The following PACSIN2 variants were observed in gnomAD, a reference collection of about 807,000 sequenced individuals.
PACSIN2 encodes protein kinase C and casein kinase substrate in neurons protein 2.
Under a neutral mutation model 63.8 loss-of-function variants are expected in PACSIN2, and 25 were observed. The observed-to-expected ratio is 0.39, with a 90% CI of 0.29 to 0.55. The LOEUF (loss-of-function observed/expected upper bound fraction) is 0.55, where lower values mean the gene tolerates loss of function less well. Ranked by LOEUF, PACSIN2 falls within the 20% of genes least tolerant of loss-of-function variation. PACSIN2 has a pLI of 0.62. For missense variants in PACSIN2, 518 were observed against 646.9 expected (o/e 0.80, Z 2.16); for synonymous variants, 255 against 256.2 (o/e 1.00, Z 0.05).
At chr22:42,962,629 G>GA (rs1245260427) in intron 1 of PACSIN2, among the ~76,000 whole-genome samples, 1 of 152,050 alleles carries the variant, frequency 6.6e-6, no homozygotes, top group African/African-American at 2.4e-5. Context: ...ACAGGGCAAG[G>GA]GAAGGCCAGC....
chr22:43,012,263 G>A (rs1036519503), intron 1 of PACSIN2, among the ~76,000 whole-genome samples: 3 of 149,340 alleles, frequency 2.0e-5, no homozygotes, highest in Non-Finnish European at 4.4e-5. Context: ...TACTGAGGAG[G>A]CTGAGGCAGA....
chr22:42,973,061 G>A (rs756821857), intron 1 of PACSIN2, among the ~76,000 whole-genome samples: 20 of 152,174 alleles, frequency 1.3e-4, no homozygotes, highest in Non-Finnish European at 2.2e-4. Context: ...CTTTGACAGG[G>A]CAGTCATATA....
chr22:42,993,000 C>A (rs926435108), intron 1 of PACSIN2, among the ~76,000 whole-genome samples: 9 of 152,062 alleles, frequency 5.9e-5, no homozygotes, highest in African/African-American at 1.7e-4. Context: ...CCCGTCTCTA[C>A]TAAAAATACA....
intron 1 of PACSIN2, among the ~76,000 whole-genome samples, chr22:42,951,761 T>C (rs1399501177): frequency 1.3e-5 from 2 of 152,194 alleles, no homozygotes; most frequent in African/African-American, 2.4e-5. Context: ...CAACAGCTAT[T>C]GTCAACTGTC....
intron 1 of PACSIN2, among the ~76,000 whole-genome samples, chr22:42,978,522 G>T (rs1921860715): frequency 6.6e-6 from 1 of 152,182 alleles, no homozygotes; most frequent in Admixed American, 6.5e-5. Flanking sequence ...GCAAAGCTGG[G>T]CTCTTCACTC....
chr22:42,997,288 G>A (rs1248358722), intron 1 of PACSIN2, among the ~76,000 whole-genome samples: 1 of 152,264 alleles, frequency 6.6e-6, no homozygotes, highest in African/African-American at 2.4e-5. Flanking sequence ...GCCAGGCACA[G>A]TGGCTCACGC....
chr22:43,010,981 A>T (rs1381124163), intron 1 of PACSIN2, among the ~76,000 whole-genome samples: 1 of 152,242 alleles, frequency 6.6e-6, no homozygotes, highest in African/African-American at 2.4e-5. Context: ...ATACCAAAAA[A>T]TGATGTATTG....
chr22:42,934,495 C>T (rs1932850993), intron 1 of PACSIN2, among the ~76,000 whole-genome samples: 1 of 152,260 alleles, frequency 6.6e-6, no homozygotes, highest in African/African-American at 2.4e-5. Flanking sequence ...CCTCCTGGGG[C>T]CTCCCCACTC....
At chr22:42,875,249 TCCTCTG>T (rs1433183162) in intron 10 of PACSIN2, among the ~76,000 whole-genome samples, 1 of 151,906 alleles carries the variant, frequency 6.6e-6, no homozygotes, top group East Asian at 1.9e-4. Context: ...GTTTAAGTGA[TCCTCTG>T]CCTCAGCCTC....
At chr22:43,014,380 CGGGA>C (rs1924736180) in intron 1 of PACSIN2, among the ~76,000 whole-genome samples, 41 of 134,826 alleles carry the variant, frequency 3.0e-4, no homozygotes, top group Non-Finnish European at 5.3e-4. Context: ...CCCCCCCCCC[CGGGA>C]CACGGAGGGT....
At chr22:42,923,322 C>A (rs142028768) in intron 1 of PACSIN2, among the ~76,000 whole-genome samples, 1 of 152,352 alleles carries the variant, frequency 6.6e-6, no homozygotes, top group East Asian at 1.9e-4. Context: ...CATTGCTGGT[C>A]TTAAGTCCCT....
At chr22:42,925,035 C>G (rs1055551742) in intron 1 of PACSIN2, among the ~76,000 whole-genome samples, 1 of 151,842 alleles carries the variant, frequency 6.6e-6, no homozygotes, top group African/African-American at 2.4e-5. Context: ...TGAGCCACTG[C>G]GTCCGGCCCC....
intron 2 of PACSIN2, among the ~76,000 whole-genome samples, chr22:42,904,870 C>T (rs1036766692): frequency 1.1e-4 from 17 of 152,178 alleles, no homozygotes; most frequent in East Asian, 1.9e-4. Flanking sequence ...ACCCCAGCTC[C>T]GCCCCCCTGC....
chr22:42,895,442 A>G (rs1333598874), intron 2 of PACSIN2, among the ~76,000 whole-genome samples: 1 of 152,226 alleles, frequency 6.6e-6, no homozygotes, highest in Non-Finnish European at 1.5e-5. Flanking sequence ...TATTACCAAC[A>G]GTATTCAAAT....
intron 1 of PACSIN2, among the ~76,000 whole-genome samples, chr22:42,950,134 T>C (rs2146825262): frequency 6.6e-6 from 1 of 152,308 alleles, no homozygotes; most frequent in South Asian, 2.1e-4. Flanking sequence ...CAGACTTTTT[T>C]TGCTTGTCAT....
intron 1 of PACSIN2, among the ~76,000 whole-genome samples, chr22:42,914,828 T>G (rs529934669): frequency 6.6e-6 from 1 of 152,318 alleles, no homozygotes; most frequent in South Asian, 2.1e-4. Flanking sequence ...GCTGTGGTCT[T>G]GACACAGTTC....
chr22:42,950,870 T>C (rs1039218515), intron 1 of PACSIN2, among the ~76,000 whole-genome samples: 5 of 152,060 alleles, frequency 3.3e-5, no homozygotes, highest in African/African-American at 7.2e-5. Flanking sequence ...GGCCCCTGTA[T>C]ATATTCCAGT....
At chr22:43,007,429 T>C (rs972062961) in intron 1 of PACSIN2, among the ~76,000 whole-genome samples, 1 of 152,130 alleles carries the variant, frequency 6.6e-6, no homozygotes, top group Non-Finnish European at 1.5e-5. Context: ...TTGGCCAGGC[T>C]GGTCTCAAAC....
At chr22:42,994,798 G>A (rs1923289376) in intron 1 of PACSIN2, among the ~76,000 whole-genome samples, 1 of 152,176 alleles carries the variant, frequency 6.6e-6, no homozygotes, top group African/African-American at 2.4e-5. Context: ...TGAAAGGTCT[G>A]GGGGCTGCGG....
Sources: gnomAD v4.1 joint callset for allele counts (sites outside exome capture counted in the v4.1 genomes callset) on GRCh38, gnomAD v4.1.1 for gene constraint, MANE v1.5 for transcripts, NCBI Gene and HGNC (gene_info 2026-07-23, HGNC 2026-07-21) for gene names.